The following JAML variants were observed in gnomAD, a reference collection of about 807,000 sequenced individuals.
The protein encoded by JAML is junctional adhesion molecule-like.
A neutral mutation model predicts 39.3 loss-of-function variants in JAML; 25 were observed. The ratio of observed to expected loss-of-function variants is 0.64; its 90% confidence interval spans 0.46 to 0.89. The LOEUF (loss-of-function observed/expected upper bound fraction) is 0.89. JAML is among the 40% of genes least tolerant of loss of function. The pLI is 0.00. For synonymous variants in JAML, 162 were observed against 179.2 expected (o/e 0.90, Z 0.77); for missense variants, 440 against 486.9 (o/e 0.90, Z 0.91).
intron 1 of JAML, 40 bp downstream of exon 1, chr11:118,224,901 G>A (rs761743155): frequency 3.3e-5 from 5 of 152,108 alleles, no homozygotes; most frequent in African/African-American, 7.2e-5. Context: ...TGTGAGAAAA[G>A]TTCAAAAAAT....
chr11:118,201,480 G>C (rs1048229033), intron 6 of JAML: 1 of 152,216 alleles, frequency 6.6e-6, no homozygotes, highest in Admixed American at 6.5e-5. Flanking sequence ...GGGTGTGCTG[G>C]AGAATTTCGC....
At chr11:118,220,576 T>C (rs1949199816) in intron 1 of JAML, among the ~76,000 whole-genome samples, 1 of 152,198 alleles carries the variant, frequency 6.6e-6, no homozygotes, top group South Asian at 2.1e-4. Context: ...GTGGTCCCTA[T>C]GCAAAGAATC....
chr11:118,198,451 T>G (rs1372090903), intron 7 of JAML, among the ~76,000 whole-genome samples: 1 of 151,784 alleles, frequency 6.6e-6, no homozygotes, highest in African/African-American at 2.4e-5. Flanking sequence ...GACCAGGGAG[T>G]GCCGCGAAAC....
intron 2 of JAML, chr11:118,212,843 T>C: frequency 1.9e-6 from 3 of 1,613,888 alleles, no homozygotes; most frequent in South Asian, 1.1e-5. Context: ...TCCCAACCTT[T>C]CTAAAGAAAT....
At chr11:118,221,749 A>T (rs1399680900) in intron 1 of JAML, among the ~76,000 whole-genome samples, 1 of 152,180 alleles carries the variant, frequency 6.6e-6, no homozygotes, top group Non-Finnish European at 1.5e-5. Context: ...TGGCTCCAAA[A>T]GTGAGTCTTT....
In JAML at chr11:118,203,574, A is replaced by G. The variant is rs1282506564; in HGVS notation, c.626T>C (p.Val209Ala). The G allele has an allele frequency of 6.2e-7, 1 of 1,614,092 alleles. No individual in the cohort carries two copies. Among genetic ancestry groups the G allele is most frequent in the East Asian group, 2.2e-5 (1 of 44,884 alleles). ...ACCGTCATTGCGGAAAATGTCCCCC[A>G]CCAGGTTCACACGATTCTGGAAGTG... ...WGHFQNRVNL[V>A]GDIFRNDGSI... The change falls in exon 6 of 10, where the codon GTG becomes GCG. Residue 209 changes from valine (V) to alanine (A), a missense_variant. Coordinates refer to ENST00000356289, the MANE Select transcript of JAML (RefSeq NM_001098526.2).
intron 4 of JAML, among the ~76,000 whole-genome samples, chr11:118,209,691 T>C (rs1342644975): frequency 9.5e-6 from 1 of 105,188 alleles, no homozygotes; most frequent in Non-Finnish European, 2.2e-5. Flanking sequence ...GCCCAGCTAT[T>C]ATTATTATTT....
At chr11:118,195,911 A>T (rs1948643409) in intron 9 of JAML, among the ~76,000 whole-genome samples, 1 of 151,586 alleles carries the variant, frequency 6.6e-6, no homozygotes, top group Non-Finnish European at 1.5e-5. Flanking sequence ...AGCTCACTGC[A>T]ACCTCCACCT....
chr11:118,196,976 CAG>C, intron 8 of JAML, 155 bp from the exon 9 acceptor site: 1 of 589,638 alleles, frequency 1.7e-6, no homozygotes, highest in Non-Finnish European at 3.0e-6. Flanking sequence ...AATGATAATT[CAG>C]TCTTCAGTCT....
At chr11:118,197,758 G>A in intron 8 of JAML, 2 of 467,820 alleles carry the variant, frequency 4.3e-6, no homozygotes, top group Non-Finnish European at 7.7e-6. Context: ...GACTCCAAGC[G>A]CAGTGCTCTT....
chr11:118,197,142 C>A (rs1246832175), intron 8 of JAML: 1 of 279,644 alleles, frequency 3.6e-6, no homozygotes, highest in African/African-American at 2.3e-5. Context: ...CTTCTAATTA[C>A]AGTAAAGGCA....
At chr11:118,211,283 C>A (rs1949054890) in intron 3 of JAML, among the ~76,000 whole-genome samples, 1 of 152,152 alleles carries the variant, frequency 6.6e-6, no homozygotes, top group Non-Finnish European at 1.5e-5. Flanking sequence ...TCTTCTGTCA[C>A]CCGGGCTGGA....
intron 9 of JAML, among the ~76,000 whole-genome samples, chr11:118,195,511 C>G (rs1475647523): frequency 6.6e-6 from 1 of 152,120 alleles, no homozygotes; most frequent in African/African-American, 2.4e-5. Context: ...GCACCGTGCT[C>G]ATCGCCAGCT....
chr11:118,212,907 C>T (rs1949090513), intron 2 of JAML: 1 of 1,614,138 alleles, frequency 6.2e-7, no homozygotes, highest in Admixed American at 1.7e-5. Context: ...AAACTCACCT[C>T]CACTTACCAT....
intron 7 of JAML, among the ~76,000 whole-genome samples, chr11:118,199,845 T>G (rs187480269): frequency 3.9e-5 from 6 of 151,984 alleles, no homozygotes; most frequent in African/African-American, 9.7e-5. Flanking sequence ...TACAAGCACA[T>G]GCCACCACGT....
intron 1 of JAML, among the ~76,000 whole-genome samples, chr11:118,221,991 T>C (rs1241488765): frequency 1.3e-5 from 2 of 152,224 alleles, no homozygotes; most frequent in Admixed American, 6.5e-5. Flanking sequence ...GCCAGAAATA[T>C]TGGCCATTTG....
intron 1 of JAML, among the ~76,000 whole-genome samples, chr11:118,217,855 C>T (rs1949163873): frequency 6.6e-6 from 1 of 152,228 alleles, no homozygotes; most frequent in Non-Finnish European, 1.5e-5. Flanking sequence ...GTCTTTGCCA[C>T]ACTATGCTCT....
chr11:118,224,206 C>G (rs12295438), intron 1 of JAML: 2 of 152,062 alleles, frequency 1.3e-5, no homozygotes, highest in African/African-American at 2.4e-5. Flanking sequence ...TAGGTCACAT[C>G]GGTTAATGCT....
chr11:118,211,074 A>G (rs1413894135), intron 3 of JAML, among the ~76,000 whole-genome samples: 1 of 152,204 alleles, frequency 6.6e-6, no homozygotes, highest in Non-Finnish European at 1.5e-5. Context: ...TGGCATTCAA[A>G]TGCATGATCT....
Sources: gnomAD v4.1 joint callset for allele counts (sites outside exome capture counted in the v4.1 genomes callset) on GRCh38, gnomAD v4.1.1 for gene constraint, MANE v1.5 for transcripts, NCBI Gene and HGNC (gene_info 2026-07-23, HGNC 2026-07-21) for gene names.